Variants in AMBRA1 observed in about 807,000 individuals in gnomAD.
AMBRA1 encodes the protein activating molecule in BECN1-regulated autophagy protein 1.
In AMBRA1, 47 loss-of-function variants were observed where a neutral mutation model predicts 125.4. The ratio of observed to expected loss-of-function variants is 0.37; its 90% CI spans 0.30 to 0.48. The LOEUF (loss-of-function observed/expected upper bound fraction) is 0.48, where lower values mean the gene tolerates loss of function less well. Among genes scored for constraint, AMBRA1 ranks in the 20% least tolerant of loss-of-function variants. The pLI is 0.99. For missense variants in AMBRA1, 1,331 were observed against 1,693.4 expected (o/e 0.79, Z 3.76); for synonymous variants, 626 against 655.5 (o/e 0.95, Z 0.69).
At chr11:46,474,324 G>C (rs1174122001) in intron 11 of AMBRA1, among the ~76,000 whole-genome samples, 1 of 152,052 alleles carries the variant, frequency 6.6e-6, no homozygotes, top group African/African-American at 2.4e-5. Flanking sequence ...ATTATTATCA[G>C]GTATATGATC....
intron 11 of AMBRA1, among the ~76,000 whole-genome samples, chr11:46,468,297 G>C (rs1949417288): frequency 6.6e-6 from 1 of 152,070 alleles, no homozygotes; most frequent in Non-Finnish European, 1.5e-5. Context: ...AAGCACCTTA[G>C]GAGGTGCCAA....
chr11:46,413,999 C>A (rs1314173214), intron 15 of AMBRA1, among the ~76,000 whole-genome samples: 4 of 152,102 alleles, frequency 2.6e-5, no homozygotes, highest in Admixed American at 1.3e-4. Context: ...TGGGCTTCCA[C>A]CTCACACCTG....
At chr11:46,547,794 A>C in intron 3 of AMBRA1, 23 bp downstream of exon 3, 2 of 1,600,362 alleles carry the variant, frequency 1.2e-6, no homozygotes, top group Non-Finnish European at 1.7e-6. Context: ...ACAAATCTTA[A>C]GTTATAGATA....
intron 7 of AMBRA1, among the ~76,000 whole-genome samples, chr11:46,527,418 T>C (rs1952020535): frequency 7.9e-6 from 1 of 127,238 alleles, no homozygotes. Context: ...AGGTGGAGGT[T>C]ACAGTGAGCC....
chr11:46,441,776 G>C (rs1565162413), intron 12 of AMBRA1, among the ~76,000 whole-genome samples: 1 of 152,056 alleles, frequency 6.6e-6, no homozygotes, highest in South Asian at 2.1e-4. Flanking sequence ...TTGGAAATCA[G>C]TGAAAGGAAT....
intron 1 of AMBRA1, among the ~76,000 whole-genome samples, chr11:46,588,613 T>TA (rs61588181): frequency 0.019 from 2,689 of 142,172 alleles, 76 homozygotes; most frequent in African/African-American, 0.064. Context: ...CCGTCTCTAC[T>TA]AAAAAAAAAA....
At chr11:46,423,379 A>T (rs1946941619) in intron 14 of AMBRA1, among the ~76,000 whole-genome samples, 1 of 151,856 alleles carries the variant, frequency 6.6e-6, no homozygotes, top group Non-Finnish European at 1.5e-5. Flanking sequence ...TAATTTTTAT[A>T]ATTTTTATTA....
intron 10 of AMBRA1, 47 bp downstream of exon 10, chr11:46,494,077 T>C: frequency 6.5e-7 from 1 of 1,529,596 alleles, no homozygotes; most frequent in Non-Finnish European, 8.9e-7. Context: ...AACTAAATCC[T>C]AGGCTCTAAC....
intron 15 of AMBRA1, among the ~76,000 whole-genome samples, chr11:46,414,407 G>A (rs1239330793): frequency 6.6e-6 from 1 of 152,212 alleles, no homozygotes; most frequent in East Asian, 1.9e-4. Flanking sequence ...AAGGGACAGA[G>A]CTGGGGCCTT....
intron 14 of AMBRA1, among the ~76,000 whole-genome samples, chr11:46,423,909 A>T (rs1946986110): frequency 6.6e-6 from 1 of 151,798 alleles, no homozygotes; most frequent in African/African-American, 2.4e-5. Context: ...GATTACAGGC[A>T]TGGGCCACCA....
chr11:46,554,951 C>G (rs368249344), intron 1 of AMBRA1, among the ~76,000 whole-genome samples: 1 of 152,010 alleles, frequency 6.6e-6, no homozygotes, highest in African/African-American at 2.4e-5. Flanking sequence ...AGACAAATGC[C>G]GGTCAGGCAT....
chr11:46,520,590 TTTC>T (rs1320090242), intron 7 of AMBRA1, among the ~76,000 whole-genome samples: 4 of 150,988 alleles, frequency 2.6e-5, no homozygotes, highest in African/African-American at 9.9e-5. Context: ...GCATTTTGTT[TTTC>T]TTTTCTTTTT....
chr11:46,557,461 T>C (rs1024948268), intron 1 of AMBRA1, among the ~76,000 whole-genome samples: 1 of 151,892 alleles, frequency 6.6e-6, no homozygotes. Context: ...ACTGTAGAGG[T>C]CTCCAAACCA....
intron 14 of AMBRA1, among the ~76,000 whole-genome samples, chr11:46,420,841 T>G (rs1009003181): frequency 6.6e-6 from 1 of 152,142 alleles, no homozygotes; most frequent in East Asian, 1.9e-4. Context: ...TTTATAATTG[T>G]AGGGAATGGG....
chr11:46,572,335 T>C (rs1172465908), intron 1 of AMBRA1, among the ~76,000 whole-genome samples: 2 of 152,118 alleles, frequency 1.3e-5, no homozygotes, highest in East Asian at 3.9e-4. Context: ...TCCATTGTTA[T>C]AAGACTCACT....
intron 3 of AMBRA1, 139 bp downstream of exon 3, chr11:46,547,678 C>T: frequency 1.3e-6 from 1 of 799,102 alleles, no homozygotes; most frequent in East Asian, 2.7e-5. Flanking sequence ...CTTTCTTTCC[C>T]TTTCCGACAC....
chr11:46,563,794 T>TCA (rs1285377894), intron 1 of AMBRA1, among the ~76,000 whole-genome samples: 1 of 136,650 alleles, frequency 7.3e-6, no homozygotes, highest in Non-Finnish European at 1.5e-5. Flanking sequence ...TGAGCCAAGA[T>TCA]CACACCACTG....
chr11:46,453,176 T>C (rs1369425179), intron 11 of AMBRA1, among the ~76,000 whole-genome samples: 1 of 152,178 alleles, frequency 6.6e-6, no homozygotes, highest in Non-Finnish European at 1.5e-5. Context: ...AATCATATGG[T>C]AGGTGGCCTT....
intron 8 of AMBRA1, among the ~76,000 whole-genome samples, chr11:46,510,757 GCTAAGGATCTGAATGCTGAGGTGTCTCA>G (rs1411987196): frequency 6.6e-6 from 1 of 152,178 alleles, no homozygotes; most frequent in African/African-American, 2.4e-5. Flanking sequence ...GCAGAGGGAA[GCTAAGGATCTGAATGCTGAGGTGTCTCA>G]CTAAGGCTCT....
Sources: allele counts gnomAD v4.1 joint callset (sites outside exome capture counted in the v4.1 genomes callset), GRCh38; gene constraint gnomAD v4.1.1; transcripts MANE v1.5; gene names NCBI Gene and HGNC (gene_info 2026-07-23, HGNC 2026-07-21).